The following ATP6V1H variants were observed in gnomAD, a reference collection of about 807,000 sequenced individuals.
The protein encoded by ATP6V1H is ATPase H+ transporting V1 subunit H, also known as V-type proton ATPase subunit H.
ATP6V1H carries 39 observed loss-of-function variants against 71.7 expected under a neutral mutation model. The ratio of observed to expected loss-of-function variants is 0.54; its 90% confidence interval spans 0.42 to 0.71. The LOEUF (loss-of-function observed/expected upper bound fraction) is 0.71, where lower values mean the gene tolerates loss of function less well. Ranked by LOEUF, ATP6V1H falls within the 30% of genes least tolerant of loss-of-function variation. The probability of loss-of-function intolerance (pLI) is 0.00; values close to 1 mark genes in which losing one functional copy is unlikely to be tolerated. For synonymous variants in ATP6V1H, 192 were observed against 199.3 expected (o/e 0.96, Z 0.31); for missense variants, 509 against 594.9 (o/e 0.86, Z 1.50).
chr8:53,824,103 T>G (rs1585829549), intron 4 of ATP6V1H, among the ~76,000 whole-genome samples: 1 of 152,158 alleles, frequency 6.6e-6, no homozygotes, highest in East Asian at 1.9e-4. Flanking sequence ...AGATTAGTCT[T>G]CTATGAAAGT....
At chr8:53,755,376 G>A (rs1162197775) in intron 12 of ATP6V1H, among the ~76,000 whole-genome samples, 1 of 151,640 alleles carries the variant, frequency 6.6e-6, no homozygotes, top group East Asian at 1.9e-4. Context: ...AAGTACAAAA[G>A]GGACAAGCGT....
At chr8:53,733,896 G>GA (rs1162316752) in intron 13 of ATP6V1H, among the ~76,000 whole-genome samples, 2 of 152,170 alleles carry the variant, frequency 1.3e-5, no homozygotes, top group African/African-American at 2.4e-5. Context: ...ATCAGAGAGA[G>GA]AAAAAATGGC....
At chr8:53,766,583 A>G (rs541645969) in intron 11 of ATP6V1H, among the ~76,000 whole-genome samples, 1 of 152,354 alleles carries the variant, frequency 6.6e-6, no homozygotes, top group East Asian at 1.9e-4. Flanking sequence ...TTTTAAAAGC[A>G]AATGGGAGAA....
At chr8:53,745,985 A>C (rs897931060) in intron 12 of ATP6V1H, among the ~76,000 whole-genome samples, 1 of 152,210 alleles carries the variant, frequency 6.6e-6, no homozygotes, top group African/African-American at 2.4e-5. Context: ...GTGAATAATG[A>C]GGACCAAATA....
At position 53,835,576 on chromosome 8, in the gene ATP6V1H, A is replaced by T. The variant is rs114147193; in HGVS notation, c.114-2490T>A. On this transcript the variant is annotated intron_variant, in intron 2 of 13. Coordinates refer to ENST00000359530, the MANE Select transcript of ATP6V1H (RefSeq NM_015941.4). ...ATGCCAAATTGTTTTGTATAGTTCAAATTTGCTTCTGGACTTTGTAATTCA... is the reference window on the plus strand; with the variant it reads ...ATGCCAAATTGTTTTGTATAGTTCATATTTGCTTCTGGACTTTGTAATTCA... 4.8e-3 allele frequency among the ~76,000 whole-genome samples: 725 copies of T among 152,282 alleles called. 4 individuals carry two copies. Among genetic ancestry groups the T allele is most frequent in the African/African-American group, 0.017 (689 of 41,556 alleles).
At chr8:53,767,256 A>G (rs1180678687) in intron 11 of ATP6V1H, among the ~76,000 whole-genome samples, 4 of 152,234 alleles carry the variant, frequency 2.6e-5, no homozygotes, top group Non-Finnish European at 2.9e-5. Context: ...TAGTTCATCA[A>G]TTGTAACAAA....
intron 13 of ATP6V1H, among the ~76,000 whole-genome samples, chr8:53,718,772 AATC>A (rs1271170386): frequency 6.6e-6 from 1 of 152,184 alleles, no homozygotes; most frequent in Non-Finnish European, 1.5e-5. Flanking sequence ...CACATAGAAA[AATC>A]AGCACCTCCT....
chr8:53,723,441 C>T (rs1806696425), intron 13 of ATP6V1H, among the ~76,000 whole-genome samples: 1 of 152,188 alleles, frequency 6.6e-6, no homozygotes, highest in South Asian at 2.1e-4. Flanking sequence ...CAGTACCCTC[C>T]CCACAACCAC....
chr8:53,832,054 T>C (rs1193100455), intron 3 of ATP6V1H: 1 of 152,140 alleles, frequency 6.6e-6, no homozygotes, highest in African/African-American at 2.4e-5. Flanking sequence ...GAACTTTCCA[T>C]AAATGGGAAA....
rs114391554 is a variant in ATP6V1H at position 53,770,828 on chromosome 8, T to C, written c.1050-1085A>G. ...AATGATTATTACGGAGAACCAGTCA[T>C]CAGTTTTTAATAAACATAGGAACAG... On this transcript the variant is annotated intron_variant, in intron 10 of 13. Transcript: ENST00000359530. Among the ~76,000 whole-genome samples, 460 of 152,362 alleles carry C rather than the reference T, an allele frequency of 3.0e-3. 3 individuals are homozygous for C. Among genetic ancestry groups the C allele is most frequent in the African/African-American group, 0.01 (436 of 41,590 alleles).
At chr8:53,743,427 C>A in intron 13 of ATP6V1H, 150 bp downstream of exon 13, 1 of 588,496 alleles carries the variant, frequency 1.7e-6, no homozygotes. Context: ...TGTGTCATTG[C>A]TCTGAATTAC....
intron 13 of ATP6V1H, among the ~76,000 whole-genome samples, chr8:53,723,021 C>A (rs1806679169): frequency 6.6e-6 from 1 of 152,104 alleles, no homozygotes; most frequent in African/African-American, 2.4e-5. Context: ...TTAGAGAATC[C>A]ATTTTCCCAC....
At chr8:53,830,184 A>G (rs1810962313) in intron 3 of ATP6V1H, among the ~76,000 whole-genome samples, 1 of 152,188 alleles carries the variant, frequency 6.6e-6, no homozygotes, top group Non-Finnish European at 1.5e-5. Context: ...ACTCTATAAA[A>G]TCCCTTAAAT....
intron 3 of ATP6V1H, chr8:53,832,284 G>A (rs1194778766): frequency 1.3e-5 from 2 of 152,050 alleles, no homozygotes; most frequent in African/African-American, 4.8e-5. Context: ...CTTGAACAGA[G>A]AAATATTAGG....
chr8:53,755,971 A>G (rs1395159783), intron 12 of ATP6V1H, among the ~76,000 whole-genome samples: 1 of 140,052 alleles, frequency 7.1e-6, no homozygotes, highest in Non-Finnish European at 1.5e-5. Context: ...TTTAGCCGGG[A>G]TGGTCTCGAT....
intron 12 of ATP6V1H, among the ~76,000 whole-genome samples, chr8:53,754,397 G>A (rs1807917733): frequency 6.6e-6 from 1 of 152,110 alleles, no homozygotes; most frequent in Non-Finnish European, 1.5e-5. Context: ...AGTTTTATAT[G>A]CCATTTCATG....
intron 13 of ATP6V1H, among the ~76,000 whole-genome samples, chr8:53,719,028 T>C (rs1393049730): frequency 1.3e-5 from 2 of 152,220 alleles, no homozygotes; most frequent in Admixed American, 1.3e-4. Flanking sequence ...TTGTTTGTTA[T>C]GGCATGTGGG....
chr8:53,792,348 G>A (rs4737764), intron 9 of ATP6V1H, among the ~76,000 whole-genome samples: 13,669 of 152,192 alleles, frequency 0.09, 952 homozygotes, highest in East Asian at 0.37. Context: ...GTCAATAGCT[G>A]GTCGGTGTTT....
chr8:53,817,519 CTGA>C lies in ATP6V1H; in HGVS notation c.315_317del (p.His105del). 1 of 1,608,406 alleles carries C rather than the reference CTGA, an allele frequency of 6.2e-7. No homozygotes were observed. The highest frequency in any genetic ancestry group is 8.5e-7 in the Non-Finnish European group (1 of 1,176,740). On this transcript the variant is annotated inframe_deletion, in exon 5 of 14. Transcript: ENST00000359530. The stretch of plus-strand genomic sequence containing the variant: ...CATAGTCAAAGAAAATGCTAACACG[CTGA>C]TGATTTTCCTAAAAAAGAAAAGAAA...
Sources: allele counts gnomAD v4.1 joint callset (sites outside exome capture counted in the v4.1 genomes callset), GRCh38; gene constraint gnomAD v4.1.1; transcripts MANE v1.5; gene names NCBI Gene and HGNC (gene_info 2026-07-23, HGNC 2026-07-21).